The following TBPL2 variants were observed in gnomAD, a reference collection of about 807,000 sequenced individuals.
TBPL2 encodes the protein TATA box-binding protein-like 2.
TBPL2 carries 40 observed loss-of-function variants against 38.2 expected under a neutral mutation model. The ratio of observed to expected loss-of-function variants is 1.05; its 90% CI spans 0.81 to 1.36. The LOEUF (loss-of-function observed/expected upper bound fraction) is 1.36. Ranked by LOEUF, TBPL2 falls within the 40% of genes most tolerant of loss-of-function variation. The pLI is 0.00. For missense variants in TBPL2, 461 were observed against 456.7 expected, an observed-to-expected ratio of 1.01 and a Z score of -0.09; for synonymous variants, 169 against 171.7, an observed-to-expected ratio of 0.98 and a Z score of 0.12.
Position 55,433,279 on chromosome 14 carries a change from C to CCACCACAT in TBPL2, c.788+343_788+350dup, listed in dbSNP as rs368361643. Among the ~76,000 whole-genome samples, 1,253 of 151,202 alleles carry CCACCACAT rather than the reference C, an allele frequency of 8.3e-3. 15 individuals carry two copies. The highest frequency in any genetic ancestry group is 0.029 in the African/African-American group (1,184 of 41,036). The stretch of plus-strand genomic sequence containing the variant: ...AAGTAGCTAGGACTAGAGGCATGCA[C>CCACCACAT]CACCACATCCAGCTACTTTTTAGAT... On this transcript the variant is annotated intron_variant, in intron 4 of 6. Transcript: ENST00000247219.
intron 6 of TBPL2, among the ~76,000 whole-genome samples, chr14:55,421,350 G>A (rs754012585): frequency 6.6e-6 from 1 of 152,172 alleles, no homozygotes; most frequent in Non-Finnish European, 1.5e-5. Context: ...TAAACTTTAT[G>A]TCAGTCACTA....
chr14:55,417,453 TAAAAAAAAAAAA>T (rs539769285), intron 6 of TBPL2, among the ~76,000 whole-genome samples: 6 of 91,348 alleles, frequency 6.6e-5, no homozygotes, highest in African/African-American at 1.9e-4. Context: ...ACCCTTGCCT[TAAAAAAAAAAAA>T]AAAAAAAAAA....
intron 4 of TBPL2, among the ~76,000 whole-genome samples, chr14:55,429,456 G>A (rs1885887642): frequency 6.6e-6 from 1 of 152,150 alleles, no homozygotes; most frequent in Admixed American, 6.5e-5. Context: ...CAGTCTCAAA[G>A]TATGTCCCAT....
chr14:55,418,682 C>A (rs1011521615), intron 6 of TBPL2, among the ~76,000 whole-genome samples: 4 of 152,240 alleles, frequency 2.6e-5, no homozygotes, highest in South Asian at 4.2e-4. Flanking sequence ...CCCTCAGCAA[C>A]AATGACACAA....
rs868508469 is a variant in TBPL2 at position 55,425,660 on chromosome 14, C to T, written c.957-1407G>A. On this transcript the variant is annotated intron_variant, in intron 5 of 6. Transcript: ENST00000247219. ...CCTGCCAATTTCTTGGCCAACCCAA[C>T]TTTGACCCATCCTTCAAGTCTCATT... 3.2e-4 allele frequency among the ~76,000 whole-genome samples: 49 copies of T among 152,326 alleles called. 1 individual carries two copies. Among genetic ancestry groups the T allele is most frequent in the Non-Finnish European group, 1.2e-4 (8 of 68,034 alleles).
chr14:55,414,258 G>A (rs1358936130), exon 7 of TBPL2: 14 of 716,256 alleles, frequency 2.0e-5, no homozygotes, highest in African/African-American at 1.3e-4. Context: ...ACACAGAGTC[G>A]CCCTTTAATA....
At chr14:55,428,755 G>A (rs1263407671) in intron 5 of TBPL2, 52 bp downstream of exon 5, 3 of 1,535,448 alleles carry the variant, frequency 2.0e-6, no homozygotes, top group Non-Finnish European at 2.6e-6. Context: ...AACCCATAAT[G>A]TAACTTAAAT....
At chr14:55,429,401 C>T (rs1885886890) in intron 4 of TBPL2, among the ~76,000 whole-genome samples, 1 of 152,186 alleles carries the variant, frequency 6.6e-6, no homozygotes, top group South Asian at 2.1e-4. Flanking sequence ...TTAACAAGCC[C>T]TCTAGGTAAC....
At chr14:55,414,370 A>C in exon 7 of TBPL2, 1 of 1,588,656 alleles carries the variant, frequency 6.3e-7, no homozygotes, top group South Asian at 1.2e-5. Flanking sequence ...GAGATGCTGA[A>C]TGATATGCTC....
At chr14:55,432,400 G>A (rs12878841) in intron 4 of TBPL2, among the ~76,000 whole-genome samples, 2 of 146,072 alleles carry the variant, frequency 1.4e-5, no homozygotes, top group African/African-American at 2.6e-5. Context: ...ATAACACAGT[G>A]AGACCGTGTC....
intron 5 of TBPL2, among the ~76,000 whole-genome samples, chr14:55,424,731 G>A (rs1885794796): frequency 6.6e-6 from 1 of 152,146 alleles, no homozygotes. Context: ...ATTTGAACAG[G>A]TGCTATATAA....
chr14:55,430,312 A>G (rs112628534), intron 4 of TBPL2, among the ~76,000 whole-genome samples: 5 of 150,708 alleles, frequency 3.3e-5, no homozygotes, highest in Admixed American at 1.3e-4. Context: ...TCTTATCCAG[A>G]TCCTTCACCA....
At chr14:55,416,059 G>C (rs150504576) in intron 6 of TBPL2, among the ~76,000 whole-genome samples, 1 of 152,164 alleles carries the variant, frequency 6.6e-6, no homozygotes, top group Non-Finnish European at 1.5e-5. Context: ...ACAGAATTCA[G>C]ATTGGTAGTT....
chr14:55,429,290 C>T (rs11848826), intron 4 of TBPL2, among the ~76,000 whole-genome samples: 31,401 of 152,198 alleles, frequency 0.21, 5,116 homozygotes, highest in African/African-American at 0.46. Context: ...AGTGTGTCCC[C>T]AGACCAGCAG....
intron 6 of TBPL2, among the ~76,000 whole-genome samples, chr14:55,415,430 C>T (rs1369809916): frequency 1.3e-5 from 2 of 152,078 alleles, no homozygotes; most frequent in African/African-American, 4.8e-5. Flanking sequence ...ACTACATGAC[C>T]CAACAATTTC....
intron 3 of TBPL2, among the ~76,000 whole-genome samples, chr14:55,434,169 T>A (rs1349963029): frequency 6.6e-6 from 1 of 152,218 alleles, no homozygotes; most frequent in Non-Finnish European, 1.5e-5. Flanking sequence ...TGTTAAAGGC[T>A]CACCAAGACT....
intron 6 of TBPL2, among the ~76,000 whole-genome samples, chr14:55,421,060 CA>C (rs71131263): frequency 0.23 from 24,462 of 107,254 alleles, 3,188 homozygotes; most frequent in African/African-American, 0.5. Flanking sequence ...GAATCTGTCT[CA>C]AAAAAAAAAA....
intron 5 of TBPL2, among the ~76,000 whole-genome samples, chr14:55,426,967 A>G (rs969135282): frequency 6.6e-6 from 1 of 152,196 alleles, no homozygotes; most frequent in Non-Finnish European, 1.5e-5. Context: ...CGAGCCCTGA[A>G]TGGCCAGAAG....
chr14:55,439,652 C>G (rs904575728), intron 1 of TBPL2, among the ~76,000 whole-genome samples: 1 of 137,562 alleles, frequency 7.3e-6, no homozygotes, highest in Non-Finnish European at 1.5e-5. Flanking sequence ...AAAAATTAGC[C>G]GGGCATGGTG....
Sources: allele counts gnomAD v4.1 joint callset (sites outside exome capture counted in the v4.1 genomes callset), GRCh38; gene constraint gnomAD v4.1.1; transcripts MANE v1.5; gene names NCBI Gene and HGNC (gene_info 2026-07-23, HGNC 2026-07-21).